Variants in FBRSL1 observed in about 807,000 individuals in gnomAD.
FBRSL1 encodes fibrosin-1-like protein.
A neutral mutation model predicts 89.6 loss-of-function variants in FBRSL1; 51 were observed. That is an observed-to-expected ratio of 0.57 (90% CI 0.45 to 0.72). The LOEUF is 0.72. FBRSL1 is among the 30% of genes least tolerant of loss of function. FBRSL1 has a pLI of 0.00. For synonymous variants in FBRSL1, 779 were observed against 681.1 expected, an observed-to-expected ratio of 1.14 and a Z score of -2.24; for missense variants, 1,618 against 1,451.8, an observed-to-expected ratio of 1.11 and a Z score of -1.86.
chr12:132,506,115 G>C (rs980288940), intron 1 of FBRSL1, among the ~76,000 whole-genome samples: 11 of 152,258 alleles, frequency 7.2e-5, no homozygotes, highest in African/African-American at 2.6e-4. Context: ...GTCTGGGGCT[G>C]AGCAGGGGGC....
At chr12:132,531,134 C>A (rs984174141) in intron 4 of FBRSL1, among the ~76,000 whole-genome samples, 1 of 152,090 alleles carries the variant, frequency 6.6e-6, no homozygotes, top group African/African-American at 2.4e-5. Flanking sequence ...CAGACCACCC[C>A]AGGGGTGGAG....
chr12:132,562,517 G>A (rs1268405633), intron 5 of FBRSL1, among the ~76,000 whole-genome samples: 1 of 152,196 alleles, frequency 6.6e-6, no homozygotes, highest in Non-Finnish European at 1.5e-5. Context: ...GGCTGGGGGC[G>A]CTGGACATAG....
chr12:132,506,132 G>C (rs983961839), intron 1 of FBRSL1, among the ~76,000 whole-genome samples: 1 of 151,738 alleles, frequency 6.6e-6, no homozygotes, highest in Non-Finnish European at 1.5e-5. Context: ...GGGCAGGACA[G>C]ATGGACATTC....
intron 2 of FBRSL1, chr12:132,509,955 C>T (rs2034142508): frequency 8.1e-7 from 1 of 1,231,492 alleles, no homozygotes; most frequent in South Asian, 4.1e-5. Context: ...CCGAAGGTCC[C>T]TGCTGGGCCA....
chr12:132,534,452 C>T (rs1026065406), intron 4 of FBRSL1, among the ~76,000 whole-genome samples: 6 of 152,266 alleles, frequency 3.9e-5, no homozygotes, highest in Admixed American at 6.5e-5. Flanking sequence ...CTGCACCTGT[C>T]GCACCCTCTG....
intron 4 of FBRSL1, among the ~76,000 whole-genome samples, chr12:132,528,800 C>T (rs1029519587): frequency 2.0e-5 from 3 of 150,244 alleles, no homozygotes; most frequent in Non-Finnish European, 4.5e-5. Flanking sequence ...CAGTGTGTGC[C>T]GTGCCTCCCC....
intron 5 of FBRSL1, among the ~76,000 whole-genome samples, chr12:132,555,920 C>T (rs1003265763): frequency 4.8e-4 from 73 of 152,266 alleles, no homozygotes; most frequent in Admixed American, 4.5e-3. Context: ...CCTTCAGGGC[C>T]GGTTGTGGCC....
At chr12:132,567,390 A>C in intron 5 of FBRSL1, 91 bp from the exon 6 acceptor site, 1 of 1,355,320 alleles carries the variant, frequency 7.4e-7, no homozygotes, top group South Asian at 1.3e-5. Flanking sequence ...CTGCTGGAAA[A>C]CCACCCAGAC....
intron 1 of FBRSL1, among the ~76,000 whole-genome samples, chr12:132,504,616 G>A (rs1321225550): frequency 1.3e-5 from 2 of 152,150 alleles, no homozygotes; most frequent in South Asian, 2.1e-4. Flanking sequence ...CCTGTGGGGG[G>A]TTCAAGGCCT....
intron 5 of FBRSL1, chr12:132,551,035 G>A (rs755697045): frequency 1.5e-5 from 4 of 267,470 alleles, no homozygotes; most frequent in Non-Finnish European, 3.0e-5. Context: ...CCCGCTGGGA[G>A]CAGAGGCACC....
intron 2 of FBRSL1, among the ~76,000 whole-genome samples, chr12:132,524,980 T>C (rs943933744): frequency 6.6e-6 from 1 of 151,666 alleles, no homozygotes; most frequent in Non-Finnish European, 1.5e-5. Context: ...TGAGCAAATG[T>C]GTGAGTGTGT....
intron 2 of FBRSL1, among the ~76,000 whole-genome samples, chr12:132,512,324 G>A (rs545183731): frequency 2.6e-5 from 4 of 152,250 alleles, no homozygotes. Context: ...CTGGGCACGC[G>A]TGAGGGAGCA....
chr12:132,532,271 G>A (rs140139560), intron 4 of FBRSL1, among the ~76,000 whole-genome samples: 194 of 152,208 alleles, frequency 1.3e-3, no homozygotes, highest in South Asian at 4.6e-3. Context: ...AGATCATCCC[G>A]TTCTCCAGAC....
intron 1 of FBRSL1, among the ~76,000 whole-genome samples, chr12:132,502,778 C>G (rs866316170): frequency 8.8e-6 from 1 of 113,456 alleles, no homozygotes; most frequent in Non-Finnish European, 1.9e-5. Flanking sequence ...CGCCCCCTAC[C>G]GTCCCTGCCC....
Position 132,564,919 on chromosome 12 carries a change from G to GCGC in FBRSL1, c.646-2561_646-2560insGCC, listed in dbSNP as rs567699030. On this transcript the variant is annotated intron_variant, in intron 5 of 18. Transcript: ENST00000680143. ...GCTGGGATTTCAGGCGTGAGCCGCG[G>GCGC]CCGGCCGCCCTCCTAGGTTTTAGTA... 5.7e-3 allele frequency among the ~76,000 whole-genome samples: 825 copies of GCGC among 144,124 alleles called. 15 individuals carry two copies. The highest frequency in any genetic ancestry group is 0.022 in the African/African-American group (795 of 36,972). The allele number at this position is 144,124 out of a possible 152,430, so 94.6% of individuals were successfully genotyped here.
chr12:132,493,597 G>C (rs1299565515), intron 1 of FBRSL1, among the ~76,000 whole-genome samples: 2 of 152,198 alleles, frequency 1.3e-5, no homozygotes, highest in Non-Finnish European at 2.9e-5. Flanking sequence ...CCCTTGCCCT[G>C]TGCCCGGGGC....
intron 11 of FBRSL1, among the ~76,000 whole-genome samples, chr12:132,573,502 C>T (rs573954306): frequency 6.6e-6 from 1 of 152,298 alleles, no homozygotes; most frequent in South Asian, 2.1e-4. Context: ...GAGCAGGGAC[C>T]CCCAGACTGG....
At chr12:132,533,795 C>G (rs2036498205) in intron 4 of FBRSL1, among the ~76,000 whole-genome samples, 2 of 152,238 alleles carry the variant, frequency 1.3e-5, no homozygotes, top group African/African-American at 2.4e-5. Context: ...ACACAGGGTC[C>G]CTGCCCCCAG....
rs186341936 is a variant in FBRSL1, at chr12:132,551,855, C to T, written c.645+3823C>T. ...CCTTGGAAAAGTGTGGGGTGAAGAG[C>T]GATATGGGACTCCATAGGCAGCCGC... On this transcript the variant is annotated intron_variant, in intron 5 of 18. Coordinates refer to ENST00000680143, the MANE Select transcript of FBRSL1 (RefSeq NM_001367871.1). 2.5e-4 allele frequency: 80 copies of T among 326,094 alleles called. 1 individual carries two copies. In the Middle Eastern group the frequency reaches 4.6e-3, roughly 19 times the overall value. 20.2% of individuals were successfully genotyped at this position (326,094 alleles called of 1,614,324 possible). A position where few individuals can be genotyped will look rare whatever the true frequency, so the allele number is the denominator to read the frequency against.
Sources: gnomAD v4.1 joint callset for allele counts (sites outside exome capture counted in the v4.1 genomes callset) on GRCh38, gnomAD v4.1.1 for gene constraint, MANE v1.5 for transcripts, NCBI Gene and HGNC (gene_info 2026-07-23, HGNC 2026-07-21) for gene names.